RPGRIP1: variants seen among roughly 807,000 people sequenced by gnomAD.
RPGRIP1 encodes RPGR interacting protein 1.
A neutral mutation model predicts 157.9 loss-of-function variants in RPGRIP1; 128 were observed. The ratio of observed to expected loss-of-function variants is 0.81; its 90% CI spans 0.70 to 0.94. The LOEUF (loss-of-function observed/expected upper bound fraction) is 0.94, where lower values mean the gene tolerates loss of function less well. RPGRIP1 is among the 40% of genes least tolerant of loss of function. The probability of loss-of-function intolerance (pLI) is 0.00; values close to 1 mark genes in which losing one functional copy is unlikely to be tolerated. For missense variants in RPGRIP1, 1,486 were observed against 1,545.8 expected, an observed-to-expected ratio of 0.96 and a Z score of 0.65; for synonymous variants, 554 against 571.6, an observed-to-expected ratio of 0.97 and a Z score of 0.44.
In RPGRIP1 at chr14:21,343,178, C is replaced by A; in HGVS notation, c.3482C>A (p.Ser1161Tyr). 1.2e-6 allele frequency: 2 copies of A among 1,613,392 alleles called. No homozygotes were observed. The highest frequency in any genetic ancestry group is 2.2e-5 in the East Asian group (1 of 44,864). ...LPLSETETPV[S>Y]LRKPRAGEEI... Reference sequence around the variant, plus strand: ...TTGTCGGAGACAGAGACTCCAGTGTCCCTAAGGAAGCCTAGGGCAGGAGAA... The same window carrying A: ...TTGTCGGAGACAGAGACTCCAGTGTACCTAAGGAAGCCTAGGGCAGGAGAA... The change falls in exon 22 of 25, where the codon TCC (serine) becomes TAC (tyrosine). Residue 1161 changes from serine (S) to tyrosine (Y), a missense_variant. Physicochemically the swap from Ser to Tyr is moderately radical, Grantham distance 144 (BLOSUM62 -2). Coordinates refer to ENST00000400017, the MANE Select transcript of RPGRIP1 (RefSeq NM_020366.4).
chr14:21,295,804 C>T (rs1253271600), intron 3 of RPGRIP1, among the ~76,000 whole-genome samples: 1 of 152,058 alleles, frequency 6.6e-6, no homozygotes, highest in Admixed American at 6.6e-5. Flanking sequence ...GACAGAGTCT[C>T]ACTCTGTTTG....
At chr14:21,293,059 T>C (rs940061043) in intron 2 of RPGRIP1, among the ~76,000 whole-genome samples, 1 of 151,150 alleles carries the variant, frequency 6.6e-6, no homozygotes, top group Non-Finnish European at 1.5e-5. Context: ...GGCAGGAGAA[T>C]TGCTTGAACC....
In RPGRIP1 at chr14:21,310,583, G is replaced by C; in HGVS notation, c.907-1G>C. The C allele has an allele frequency of 7.1e-7, 1 of 1,417,598 alleles. No homozygotes were observed. Among genetic ancestry groups the C allele is most frequent in the Non-Finnish European group, 9.6e-7 (1 of 1,045,344 alleles). 87.8% of individuals were successfully genotyped at this position (1,417,598 alleles called of 1,614,324 possible). A position where few individuals can be genotyped will look rare whatever the true frequency, so the allele number is the denominator to read the frequency against. On this transcript the variant is annotated splice_acceptor_variant, in intron 7 of 24. Coordinates refer to ENST00000400017, the MANE Select transcript of RPGRIP1 (RefSeq NM_020366.4). LOFTEE classifies it high-confidence loss of function. ...AAATAATAATAATTTCTTTCTTCCA[G>C]GCATACGAAACCTTGCTCCAGAAGG...
At chr14:21,325,197 G>A (rs747727749) in intron 15 of RPGRIP1, 35 bp from the exon 16 acceptor site, 4 of 1,577,434 alleles carry the variant, frequency 2.5e-6, no homozygotes, top group Non-Finnish European at 3.4e-6. Flanking sequence ...CACACCATCT[G>A]TATTCCCCCT....
Position 21,295,478 on chromosome 14 carries a change from A to AT in RPGRIP1, c.218+691dup, listed in dbSNP as rs11342361. On this transcript the variant is annotated intron_variant, in intron 3 of 24. Coordinates refer to ENST00000400017, the MANE Select transcript of RPGRIP1 (RefSeq NM_020366.4). ...ATTTATTTATTTATTTATTTTTGAGATTTTTTTTTTTTTTTTTTTTTTGAG... is the reference window on the plus strand; with the variant it reads ...ATTTATTTATTTATTTATTTTTGAGATTTTTTTTTTTTTTTTTTTTTTTGAG... Among the ~76,000 whole-genome samples the AT allele has an allele frequency of 2.8e-3, 322 of 116,494 alleles. 3 individuals are homozygous for AT. The highest frequency in any genetic ancestry group is 7.0e-3 in the African/African-American group (216 of 30,968). The allele number at this position is 116,494 out of a possible 152,430, so 76.4% of individuals were successfully genotyped here.
chr14:21,324,644 A>G lies in RPGRIP1; in HGVS notation c.1789A>G (p.Thr597Ala), dbSNP rs772568245. 1.2e-6 allele frequency: 2 copies of G among 1,613,836 alleles called. No individual in the cohort carries two copies. Among genetic ancestry groups the G allele is most frequent in the South Asian group, 2.2e-5 (2 of 91,084 alleles). The part of the protein sequence containing the change: ...SEQLKDVAYG[T>A]RPLSLCLETL... ...ACAGCTCAAAGATGTTGCTTATGGC[A>G]CCCGACCGTTGTCGTTATGTTTGGA... Residue 597 changes from threonine (T) to alanine (A), a missense_variant, in exon 15 of 25, where the codon ACC (threonine) becomes GCC (alanine). Physicochemically the swap from Thr to Ala is moderately conservative, Grantham distance 58 (BLOSUM62 0). Transcript: ENST00000400017.
Position 21,317,795 on chromosome 14 carries a change from G to A in RPGRIP1, c.1251G>A (p.Leu417=). ...QQQVSQLQDQ[L]DAELEDKRKV... Reference sequence around the variant, plus strand: ...AAGTCTCTCAGCTGCAGGATCAGCTGGATGCTGAGCTGGAGGACAAGAGAA... The same window carrying A: ...AAGTCTCTCAGCTGCAGGATCAGCTAGATGCTGAGCTGGAGGACAAGAGAA... Residue 417 remains leucine, a synonymous_variant, in exon 11 of 25, where the codon CTG becomes CTA. Coordinates refer to ENST00000400017, the MANE Select transcript of RPGRIP1 (RefSeq NM_020366.4). The A allele has an allele frequency of 1.2e-6, 2 of 1,604,944 alleles. No homozygotes were observed. Among genetic ancestry groups the A allele is most frequent in the Non-Finnish European group, 1.7e-6 (2 of 1,175,824 alleles).
In RPGRIP1 at chr14:21,289,339, C is replaced by G. The variant is rs568108749; in HGVS notation, c.85+1278C>G. Among the ~76,000 whole-genome samples, 314 of 152,000 alleles carry G rather than the reference C, an allele frequency of 2.1e-3. 2 individuals are homozygous for G. The highest frequency in any genetic ancestry group is 3.1e-3 in the Admixed American group (47 of 15,234). On this transcript the variant is annotated intron_variant, in intron 2 of 24. Transcript: ENST00000400017. Reference sequence around the variant, plus strand: ...CGAGACTCCATACCACCCCCCTCCCCCAAAAAACCATATTTTTCTAACTTT... The same window carrying G: ...CGAGACTCCATACCACCCCCCTCCCGCAAAAAACCATATTTTTCTAACTTT...
rs1056222442 is a variant in RPGRIP1 at position 21,327,696 on chromosome 14, C to T, written c.2784C>T (p.Pro928=). Residue 928 remains proline (P), a synonymous_variant, in exon 18 of 25, where the codon CCC becomes CCT. Transcript: ENST00000400017. The part of the protein sequence containing the change: ...SIQVQLDWKF[P]YIPPESFLKP... Reference sequence around the variant, plus strand: ...AAGTGCAACTGGATTGGAAGTTTCCCTACATACCCCCTGAGAGCTTCCTGA... The same window carrying T: ...AAGTGCAACTGGATTGGAAGTTTCCTTACATACCCCCTGAGAGCTTCCTGA... 2.5e-6 allele frequency: 4 copies of T among 1,613,824 alleles called. No homozygotes were observed. The highest frequency in any genetic ancestry group is 1.6e-4 in the Middle Eastern group (1 of 6,084).
At chr14:21,303,707 G>GGC (rs1881141493) in intron 6 of RPGRIP1, among the ~76,000 whole-genome samples, 164 bp downstream of exon 6, 4 of 151,940 alleles carry the variant, frequency 2.6e-5, no homozygotes, top group Non-Finnish European at 5.9e-5. Flanking sequence ...GGATTAACCT[G>GGC]CGGGCACCAT....
intron 3 of RPGRIP1, among the ~76,000 whole-genome samples, chr14:21,299,803 T>C (rs1406410499): frequency 2.6e-5 from 4 of 152,146 alleles, no homozygotes; most frequent in South Asian, 2.1e-4. Context: ...ACAACAGACA[T>C]TGGTTTTCTC....
chr14:21,332,423 C>G (rs1217270977), intron 20 of RPGRIP1, among the ~76,000 whole-genome samples: 1 of 152,080 alleles, frequency 6.6e-6, no homozygotes, highest in African/African-American at 2.4e-5. Flanking sequence ...TTCCCAGAGC[C>G]AAATTTACAT....
At chr14:21,298,744 A>G (rs1880898902) in intron 3 of RPGRIP1, among the ~76,000 whole-genome samples, 1 of 151,868 alleles carries the variant, frequency 6.6e-6, no homozygotes, top group African/African-American at 2.4e-5. Context: ...GTTCAAGACC[A>G]GCCTGTTCAA....
chr14:21,309,892 C>T (rs943462005), intron 7 of RPGRIP1, among the ~76,000 whole-genome samples: 1 of 151,682 alleles, frequency 6.6e-6, no homozygotes, highest in Non-Finnish European at 1.5e-5. Flanking sequence ...GAGTTTGAGA[C>T]CAGCCTGGCC....
At position 21,292,982 on chromosome 14, in the gene RPGRIP1, T is replaced by TA. The variant is rs1255696966; in HGVS notation, c.86-1690dup. 1.1e-4 allele frequency among the ~76,000 whole-genome samples: 17 copies of TA among 151,820 alleles called. No individual in the cohort carries two copies. In the East Asian group the frequency reaches 2.1e-3, roughly 19 times the overall value. On this transcript the variant is annotated intron_variant, in intron 2 of 24. Coordinates refer to ENST00000400017, the MANE Select transcript of RPGRIP1 (RefSeq NM_020366.4). ...CAACATGGTGAAACCCCATCTCTAC[T>TA]AAAAATACAAAAAATTAGCCAGGTG...
rs903828063 is a variant in RPGRIP1 at position 21,330,228 on chromosome 14, ATTG to A, written c.3100-15_3100-13del. ...ACCAAGATATTACCAGCTATGTAGT[ATTG>A]TTGTTCTTATTCTGAAGCAGGTGAA... On this transcript the variant is annotated intron_variant, in intron 19 of 24. Transcript: ENST00000400017. 3.3e-6 allele frequency: 5 copies of A among 1,528,234 alleles called. No individual in the cohort carries two copies. The African/African-American group carries it at 4.3e-5, about 13-fold the overall frequency. The allele number at this position is 1,528,234 out of a possible 1,614,324, so 94.7% of individuals were successfully genotyped here.
intron 22 of RPGRIP1, 97 bp from the exon 23 acceptor site, chr14:21,345,016 T>C (rs1406035129): frequency 1.2e-6 from 1 of 802,418 alleles, no homozygotes; most frequent in East Asian, 2.5e-5. Context: ...GTCTAATCTT[T>C]TTATGAAAAC....
At chr14:21,308,501 T>G (rs1477176839) in intron 7 of RPGRIP1, among the ~76,000 whole-genome samples, 2 of 152,056 alleles carry the variant, frequency 1.3e-5, no homozygotes, top group Non-Finnish European at 2.9e-5. Flanking sequence ...AATTCAACTA[T>G]CCTATGCAGG....
intron 19 of RPGRIP1, 82 bp from the exon 20 acceptor site, chr14:21,330,167 A>G (rs1257132693): frequency 1.3e-5 from 12 of 955,664 alleles, no homozygotes; most frequent in Non-Finnish European, 1.8e-5. Flanking sequence ...GCTAATATTT[A>G]AAAAGAAGGC....
Sources: gnomAD v4.1 joint callset for allele counts (sites outside exome capture counted in the v4.1 genomes callset) on GRCh38, gnomAD v4.1.1 for gene constraint, MANE v1.5 for transcripts, NCBI Gene and HGNC (gene_info 2026-07-23, HGNC 2026-07-21) for gene names.